FETUB: variants seen among roughly 807,000 people sequenced by gnomAD.
The protein encoded by FETUB is fetuin-B.
A neutral mutation model predicts 30.9 loss-of-function variants in FETUB; 28 were observed. The ratio of observed to expected loss-of-function variants is 0.90; its 90% CI spans 0.67 to 1.24. The LOEUF (loss-of-function observed/expected upper bound fraction) is 1.24. Ranked by LOEUF, FETUB falls within the 50% of genes most tolerant of loss-of-function variation. The probability of loss-of-function intolerance (pLI) is 0.00; values close to 1 mark genes in which losing one functional copy is unlikely to be tolerated. For missense variants in FETUB, 469 were observed against 455.3 expected, an observed-to-expected ratio of 1.03 and a Z score of -0.27; for synonymous variants, 186 against 175.9, an observed-to-expected ratio of 1.06 and a Z score of -0.45.
intron 3 of FETUB, among the ~76,000 whole-genome samples, chr3:186,643,974 A>G (rs1020999494): frequency 3.3e-5 from 5 of 152,174 alleles, no homozygotes; most frequent in Non-Finnish European, 7.4e-5. Context: ...TTTCTTCTTA[A>G]AAAAATATTT....
Position 186,653,052 on chromosome 3 carries a change from T to C in FETUB, c.*421T>C. 6.3e-6 allele frequency: 1 copy of C among 158,146 alleles called. No individual in the cohort carries two copies. Among genetic ancestry groups the C allele is most frequent in the Non-Finnish European group, 1.4e-5 (1 of 71,426 alleles). 9.8% of individuals were successfully genotyped at this position (158,146 alleles called of 1,614,324 possible). On this transcript the variant is annotated 3_prime_UTR_variant, in exon 7 of 7. Transcript: ENST00000265029. ...TAATGCCCAGCACAGTTTCAGTCCC[T>C]AAATTCCCTTTAATTCCAGGACAGG...
Position 186,644,757 on chromosome 3 carries a change from A to G in FETUB, c.431A>G (p.Lys144Arg). The change falls in exon 4 of 7, where the codon AAA becomes AGA. Residue 144 changes from lysine to arginine, a missense_variant. Lys to Arg is a conservative substitution (Grantham distance 26, BLOSUM62 2). Coordinates refer to ENST00000265029, the MANE Select transcript of FETUB (RefSeq NM_014375.3). ...ATGTTATTGGCATCAACAGTTTCAA[A>G]AAAAAAGATTTACATGACGTGCCCT... ...AYNCTLRPVS[K>R]KKIYMTCPDC... 1 of 1,591,842 alleles carries G rather than the reference A, an allele frequency of 6.3e-7. No homozygotes were observed.
chr3:186,639,951 G>C (rs1272088799), upstream of FETUB, among the ~76,000 whole-genome samples: 1 of 152,140 alleles, frequency 6.6e-6, no homozygotes, highest in African/African-American at 2.4e-5. Flanking sequence ...TGTGCTTCTG[G>C]CAGATGACTG....
rs1717544376 is a variant in FETUB at position 186,646,352 on chromosome 3, G to A, written c.696+3G>A. The A allele has an allele frequency of 6.2e-7, 1 of 1,600,042 alleles. No individual in the cohort carries two copies. The highest frequency in any genetic ancestry group is 8.6e-7 in the Non-Finnish European group (1 of 1,167,428). On this transcript the variant is annotated splice_donor_region_variant and intron_variant, in intron 5 of 6. Coordinates refer to ENST00000265029, the MANE Select transcript of FETUB (RefSeq NM_014375.3). ...CACTTCAGTCCTCCGACTCTGTGGTGAGTTTTCCTGAATGTCTTCATAATT... is the reference window on the plus strand; with the variant it reads ...CACTTCAGTCCTCCGACTCTGTGGTAAGTTTTCCTGAATGTCTTCATAATT...
At position 186,652,936 on chromosome 3, in the gene FETUB, T is replaced by C. The variant is rs555382600; in HGVS notation, c.*305T>C. 6.1e-4 allele frequency: 157 copies of C among 256,644 alleles called. No homozygotes were observed. Among genetic ancestry groups the C allele is most frequent in the Middle Eastern group, 2.5e-3 (2 of 808 alleles). 15.9% of individuals were successfully genotyped at this position (256,644 alleles called of 1,614,324 possible). The stretch of plus-strand genomic sequence containing the variant: ...AGCCACTCACTTATAAAGATACTTA[T>C]CTTTTCAGCAGTATATATGTGCTGA... On this transcript the variant is annotated 3_prime_UTR_variant, in exon 7 of 7. Transcript: ENST00000265029.
At chr3:186,636,828 A>G (rs1716788861), upstream of FETUB, among the ~76,000 whole-genome samples, 1 of 152,214 alleles carries the variant, frequency 6.6e-6, no homozygotes, top group South Asian at 2.1e-4. Context: ...TCTGTTAAAT[A>G]CGCTCCCTGC....
In FETUB at chr3:186,640,411, G is replaced by C. The variant is rs763057020; in HGVS notation, c.-50G>C. The C allele has an allele frequency of 4.1e-6, 6 of 1,458,282 alleles. No individual in the cohort carries two copies. The Admixed American group carries it at 1.0e-4, about 24-fold the overall frequency. The allele number at this position is 1,458,282 out of a possible 1,614,324, so 90.3% of individuals were successfully genotyped here. A position where few individuals can be genotyped will look rare whatever the true frequency, so the allele number is the denominator to read the frequency against. On this transcript the variant is annotated 5_prime_UTR_variant, in exon 1 of 7. Coordinates refer to ENST00000265029, the MANE Select transcript of FETUB (RefSeq NM_014375.3). ...CTTAAAGAGCCTTACAAGCCAGCCA[G>C]TCCCTGCAGCTCCACAAACTGACCC...
At chr3:186,650,141 T>C (rs1419012236) in intron 5 of FETUB, among the ~76,000 whole-genome samples, 1 of 118,102 alleles carries the variant, frequency 8.5e-6, no homozygotes, top group Non-Finnish European at 1.7e-5. Context: ...GTTGTCTTTT[T>C]CTTATAGTAG....
Position 186,646,350 on chromosome 3 carries a change from G to C in FETUB, c.696+1G>C. 6.2e-7 allele frequency: 1 copy of C among 1,607,264 alleles called. No individual in the cohort carries two copies. The highest frequency in any genetic ancestry group is 1.7e-5 in the Admixed American group (1 of 59,992). On this transcript the variant is annotated splice_donor_variant, in intron 5 of 6. Coordinates refer to ENST00000265029, the MANE Select transcript of FETUB (RefSeq NM_014375.3). LOFTEE classifies it high-confidence loss of function. Reference sequence around the variant, plus strand: ...TTCACTTCAGTCCTCCGACTCTGTGGTGAGTTTTCCTGAATGTCTTCATAA... The same window carrying C: ...TTCACTTCAGTCCTCCGACTCTGTGCTGAGTTTTCCTGAATGTCTTCATAA...
At chr3:186,650,437 A>G (rs1717931274) in intron 5 of FETUB, among the ~76,000 whole-genome samples, 1 of 152,172 alleles carries the variant, frequency 6.6e-6, no homozygotes, top group Non-Finnish European at 1.5e-5. Flanking sequence ...TTTAAACAAC[A>G]GAAAAATTAG....
chr3:186,639,856 TAA>T (rs1300226874), upstream of FETUB, among the ~76,000 whole-genome samples: 3 of 152,186 alleles, frequency 2.0e-5, no homozygotes, highest in Non-Finnish European at 4.4e-5. Flanking sequence ...TCCCCTTAAG[TAA>T]AGTCATTGTT....
At chr3:186,644,036 A>G (rs1717287985) in intron 3 of FETUB, among the ~76,000 whole-genome samples, 1 of 152,240 alleles carries the variant, frequency 6.6e-6, no homozygotes, top group South Asian at 2.1e-4. Context: ...TGGCATATAT[A>G]GTGATATTTC....
upstream of FETUB, among the ~76,000 whole-genome samples, chr3:186,637,190 A>C (rs532584113): frequency 2.4e-4 from 36 of 152,262 alleles, no homozygotes; most frequent in African/African-American, 8.4e-4. Context: ...GAGAAATATC[A>C]GTTTCATATA....
chr3:186,636,697 G>C (rs1185748656), upstream of FETUB, among the ~76,000 whole-genome samples: 1 of 152,168 alleles, frequency 6.6e-6, no homozygotes, highest in African/African-American at 2.4e-5. Flanking sequence ...CAGGTGGTTT[G>C]GGAGCAGCAA....
chr3:186,652,119 A>T, intron 6 of FETUB, 144 bp from the exon 7 acceptor site: 1 of 863,404 alleles, frequency 1.2e-6, no homozygotes, highest in Non-Finnish European at 1.7e-6. Context: ...TTTGTTTTTT[A>T]ACCCTTTCAC....
chr3:186,642,861 C>G (rs771754943), intron 3 of FETUB, among the ~76,000 whole-genome samples: 1 of 152,160 alleles, frequency 6.6e-6, no homozygotes, highest in African/African-American at 2.4e-5. Flanking sequence ...TTCTTGCTAT[C>G]TCTGCCATTA....
At chr3:186,638,393 T>C (rs1716837108), upstream of FETUB, among the ~76,000 whole-genome samples, 1 of 152,156 alleles carries the variant, frequency 6.6e-6, no homozygotes, top group Non-Finnish European at 1.5e-5. Context: ...CATGTATACA[T>C]ATGCTGGGAG....
chr3:186,640,711 G>C (rs1383151287), intron 1 of FETUB, 26 bp downstream of exon 1: 1 of 1,587,550 alleles, frequency 6.3e-7, no homozygotes, highest in Admixed American at 1.7e-5. Flanking sequence ...TCCCACTCTG[G>C]GGCAGGGATG....
Position 186,648,819 on chromosome 3 carries a change from A to C in FETUB, c.697-2399A>C, listed in dbSNP as rs1717757185. ...GGATTGTTCATTGAAAGTGTGTAGA[A>C]AGACGATTGATTTTTTATATTGATC... On this transcript the variant is annotated intron_variant, in intron 5 of 6. Coordinates refer to ENST00000265029, the MANE Select transcript of FETUB (RefSeq NM_014375.3). 2.0e-5 allele frequency among the ~76,000 whole-genome samples: 3 copies of C among 152,200 alleles called. No homozygotes were observed. The South Asian group carries it at 6.2e-4, about 32-fold the overall frequency.
Sources: allele counts gnomAD v4.1 joint callset (sites outside exome capture counted in the v4.1 genomes callset), GRCh38; gene constraint gnomAD v4.1.1; transcripts MANE v1.5; gene names NCBI Gene and HGNC (gene_info 2026-07-23, HGNC 2026-07-21).